The following PTGES2 variants were observed in gnomAD, a reference collection of about 807,000 sequenced individuals.
The protein encoded by PTGES2 is GATE-binding factor 1.
PTGES2 carries 35 observed loss-of-function variants against 44.5 expected under a neutral mutation model. The ratio of observed to expected loss-of-function variants is 0.79; its 90% CI spans 0.60 to 1.04. PTGES2 has a LOEUF of 1.04. Ranked by LOEUF, PTGES2 falls within the 50% of genes least tolerant of loss-of-function variation. The pLI, the probability that PTGES2 is intolerant of heterozygous loss-of-function variation, is 0.00. For missense variants in PTGES2, 517 were observed against 521.4 expected (o/e 0.99, Z 0.08); for synonymous variants, 221 against 227.5 (o/e 0.97, Z 0.26).
At chr9:128,124,470 T>G (rs1382248324) in intron 3 of PTGES2, 22 bp downstream of exon 3, 3 of 1,611,820 alleles carry the variant, frequency 1.9e-6, no homozygotes, top group Non-Finnish European at 2.5e-6. Flanking sequence ...AATGGCCACC[T>G]GGTCTCCGAG....
intron 1 of PTGES2, among the ~76,000 whole-genome samples, chr9:128,126,363 T>C (rs995769190): frequency 6.6e-6 from 1 of 152,122 alleles, no homozygotes; most frequent in African/African-American, 2.4e-5. Context: ...GGGTCACCAC[T>C]TGGGGGGGGC....
upstream of PTGES2, chr9:128,127,934 C>G (rs530902786): frequency 2.5e-5 from 11 of 435,118 alleles, no homozygotes; most frequent in Non-Finnish European, 3.9e-5. Flanking sequence ...GTTTGCAGAC[C>G]GTTCCATGCT....
In PTGES2 at chr9:128,120,937, A is replaced by G; in HGVS notation, c.*208T>C. On this transcript the variant is annotated 3_prime_UTR_variant, in exon 7 of 7. Transcript: ENST00000338961. ...GGCAGGGACAGGGAGGGGTCGCCCC[A>G]GGGCAGTGGCAGGGCTGGAACTCGT... 1 of 632,522 alleles carries G rather than the reference A, an allele frequency of 1.6e-6. No individual in the cohort carries two copies. The highest frequency in any genetic ancestry group is 3.1e-5 in the Admixed American group (1 of 32,180). The allele number at this position is 632,522 out of a possible 1,614,324, so 39.2% of individuals were successfully genotyped here.
In PTGES2 at chr9:128,125,456, C is replaced by G. The variant is rs772679760; in HGVS notation, c.280-15G>C. ...GACAGGGAGAGCTGCGGGCAGCAGA[C>G]GGAAAAGGCTTCTAGACCTGGCACC... is the stretch of plus-strand genomic sequence containing the variant. On this transcript the variant is annotated splice_polypyrimidine_tract_variant and intron_variant, in intron 1 of 6. Transcript: ENST00000338961. 6.2e-7 allele frequency: 1 copy of G among 1,613,292 alleles called. No homozygotes were observed. Among genetic ancestry groups the G allele is most frequent in the Non-Finnish European group, 8.5e-7 (1 of 1,179,766 alleles).
At chr9:128,127,803 C>G, upstream of PTGES2, 1 of 1,186,430 alleles carries the variant, frequency 8.4e-7, no homozygotes, top group Middle Eastern at 3.3e-4. Context: ...ACTCTGGCGC[C>G]CCGCGGGTTG....
At chr9:128,122,692 A>C (rs1034902553) in intron 5 of PTGES2, 7 of 628,302 alleles carry the variant, frequency 1.1e-5, no homozygotes, top group African/African-American at 9.2e-5. Flanking sequence ...GCCACAGAGG[A>C]GGCGCCAGTC....
chr9:128,122,431 G>A lies in PTGES2; in HGVS notation c.936C>T (p.Asp312=). 2 of 1,614,210 alleles carry A rather than the reference G, an allele frequency of 1.2e-6. No homozygotes were observed. The highest frequency in any genetic ancestry group is 1.7e-6 in the Non-Finnish European group (2 of 1,180,030). ...NVREDLYEAA[D]KWVAAVGKDR... ...CCTTGCCCACAGCAGCCACCCACTT[G>A]TCAGCAGCCTCATAGAGGTCCTCGC... Residue 312 remains aspartate, a synonymous_variant, in exon 6 of 7, where the codon GAC becomes GAT. Coordinates refer to ENST00000338961, the MANE Select transcript of PTGES2 (RefSeq NM_025072.7).
In PTGES2 at chr9:128,123,228, G is replaced by T; in HGVS notation, c.687-94C>A. Reference sequence around the variant, plus strand: ...AACATACCCACTGCACGGGCGGGAAGCTGAAGCCTGAGCAGGAAGGTCTTT... The same window carrying T: ...AACATACCCACTGCACGGGCGGGAATCTGAAGCCTGAGCAGGAAGGTCTTT... On this transcript the variant is annotated intron_variant, in intron 4 of 6. Transcript: ENST00000338961. The surrounding 1 kb of genome is among the most constrained non-coding windows in gnomAD (Gnocchi z 4.4). 7 of 1,196,362 alleles carry T rather than the reference G, an allele frequency of 5.9e-6. No homozygotes were observed. The highest frequency in any genetic ancestry group is 1.2e-6 in the Non-Finnish European group (1 of 854,686). 74.1% of individuals were successfully genotyped at this position (1,196,362 alleles called of 1,614,324 possible). A position where few individuals can be genotyped will look rare whatever the true frequency, so the allele number is the denominator to read the frequency against.
At chr9:128,126,488 A>T (rs1374563680) in intron 1 of PTGES2, among the ~76,000 whole-genome samples, 1 of 152,130 alleles carries the variant, frequency 6.6e-6, no homozygotes, top group Non-Finnish European at 1.5e-5. Flanking sequence ...GTGGGGAGAG[A>T]GGATGATGAA....
At chr9:128,127,257 G>A (rs1207256983) in intron 1 of PTGES2, among the ~76,000 whole-genome samples, 182 bp downstream of exon 1, 2 of 146,684 alleles carry the variant, frequency 1.4e-5, no homozygotes, top group African/African-American at 2.5e-5. Context: ...ACAATTCCAG[G>A]TAGTAGGCAT....
chr9:128,121,890 G>A (rs1834423300), intron 6 of PTGES2, among the ~76,000 whole-genome samples: 1 of 151,954 alleles, frequency 6.6e-6, no homozygotes, highest in Non-Finnish European at 1.5e-5. Context: ...TCCCGCCTGG[G>A]TGACAGCGTG....
rs1294375290 is a variant in PTGES2, at chr9:128,123,029, A to G, written c.792T>C (p.Ile264=). 12 of 1,613,684 alleles carry G rather than the reference A, an allele frequency of 7.4e-6. No individual in the cohort carries two copies. The highest frequency in any genetic ancestry group is 1.6e-4 in the Middle Eastern group (1 of 6,084). The change falls in exon 5 of 7, where the codon ATT becomes ATC. Residue 264 remains isoleucine (I), a synonymous_variant. Coordinates refer to ENST00000338961, the MANE Select transcript of PTGES2 (RefSeq NM_025072.7). This position sits in a 1 kb window ranked among gnomAD's most constrained non-coding sequence, Gnocchi z 4.4. ...CGGCTCCGAACTTGCCCTCGCGGAC[A>G]ATGTAGTCAAAGGACGCCAGAGCCT... ...PTEALASFDY[I]VREGKFGAVE... is the part of the protein sequence containing the mutation.
chr9:128,127,292 A>C (rs4837242), intron 1 of PTGES2, 147 bp downstream of exon 1: 5 of 616,198 alleles, frequency 8.1e-6, no homozygotes, highest in Admixed American at 4.4e-5. Context: ...TTTTACACAA[A>C]AGAATACAGA....
At chr9:128,124,582 T>C in intron 2 of PTGES2, 32 bp from the exon 3 acceptor site, 1 of 1,606,344 alleles carries the variant, frequency 6.2e-7, no homozygotes, top group South Asian at 1.1e-5. Context: ...TAATCAGAGG[T>C]TGCAACCCAG....
chr9:128,121,938 CA>C (rs113626361), intron 6 of PTGES2, among the ~76,000 whole-genome samples: 2 of 150,136 alleles, frequency 1.3e-5, no homozygotes, highest in Non-Finnish European at 3.0e-5. Flanking sequence ...ACAACAACAA[CA>C]AAAAAAAACA....
chr9:128,122,274 AGCACCGTCCAGGCTTTCCCTT>A, intron 6 of PTGES2, 67 bp downstream of exon 6: 3 of 1,034,680 alleles, frequency 2.9e-6, no homozygotes, highest in Non-Finnish European at 4.4e-6. Flanking sequence ...GCAAGATGCA[AGCACCGTCCAGGCTTTCCCTT>A]GCAAACCTCC....
Position 128,121,214 on chromosome 9 carries a change from C to G in PTGES2, c.1065G>C (p.Gln355His). Residue 355 changes from glutamine to histidine, a missense_variant, in exon 7 of 7, where the codon CAG becomes CAC. Coordinates refer to ENST00000338961, the MANE Select transcript of PTGES2 (RefSeq NM_025072.7). ...EGLDAFDDLM[Q>H]HTHIQPWYLR... ...GGTACCAGGGCTGGATGTGCGTGTG[C>G]TGCATCAGGTCATCGAACGCATCCA... The G allele has an allele frequency of 6.3e-7, 1 of 1,599,960 alleles. No individual in the cohort carries two copies. Among genetic ancestry groups the G allele is most frequent in the South Asian group, 1.1e-5 (1 of 88,644 alleles).
Position 128,120,926 on chromosome 9 carries a change from G to A in PTGES2, c.*219C>T, listed in dbSNP as rs1834383343. Reference sequence around the variant, plus strand: ...CAGAGCAGGGAGGCAGGGACAGGGAGGGGTCGCCCCAGGGCAGTGGCAGGG... The same window carrying A: ...CAGAGCAGGGAGGCAGGGACAGGGAAGGGTCGCCCCAGGGCAGTGGCAGGG... On this transcript the variant is annotated 3_prime_UTR_variant, in exon 7 of 7. Transcript: ENST00000338961. The A allele has an allele frequency of 1.7e-6, 1 of 577,570 alleles. No homozygotes were observed. Among genetic ancestry groups the A allele is most frequent in the African/African-American group, 1.9e-5 (1 of 52,402 alleles). 35.8% of individuals were successfully genotyped at this position (577,570 alleles called of 1,614,324 possible).
chr9:128,125,769 C>T (rs1318188718), intron 1 of PTGES2, among the ~76,000 whole-genome samples: 2 of 152,214 alleles, frequency 1.3e-5, no homozygotes, highest in East Asian at 1.9e-4. Context: ...AGGGTATACA[C>T]CCCACTCCCA....
Sources: allele counts gnomAD v4.1 joint callset (sites outside exome capture counted in the v4.1 genomes callset), GRCh38; gene constraint gnomAD v4.1.1; non-coding constraint Gnocchi (gnomAD v3.1); transcripts MANE v1.5; gene names NCBI Gene and HGNC (gene_info 2026-07-23, HGNC 2026-07-21).